Variants in FRMD4B observed in about 807,000 individuals in gnomAD.
FRMD4B encodes the protein FERM domain-containing protein 4B.
FRMD4B carries 74 observed loss-of-function variants against 141.5 expected under a neutral mutation model. The observed-to-expected ratio is 0.52, with a 90% CI of 0.43 to 0.63. The LOEUF (loss-of-function observed/expected upper bound fraction) is 0.63, where lower values mean the gene tolerates loss of function less well. FRMD4B is among the 30% of genes least tolerant of loss of function. The pLI, the probability that FRMD4B is intolerant of heterozygous loss-of-function variation, is 0.00. For missense variants in FRMD4B, 1,366 were observed against 1,253.4 expected, an observed-to-expected ratio of 1.09 and a Z score of -1.36; for synonymous variants, 506 against 467.9, an observed-to-expected ratio of 1.08 and a Z score of -1.05.
chr3:69,214,778 C>G (rs571824387), intron 11 of FRMD4B, among the ~76,000 whole-genome samples: 1 of 152,220 alleles, frequency 6.6e-6, no homozygotes, highest in South Asian at 2.1e-4. Flanking sequence ...GGAAGGATTG[C>G]TTGAGCCAGG....
intron 5 of FRMD4B, among the ~76,000 whole-genome samples, chr3:69,253,183 A>T (rs57834440): frequency 0.48 from 63,311 of 130,558 alleles, 15,631 homozygotes; most frequent in Middle Eastern, 0.54. Context: ...TATGATTCCT[A>T]TTTTTTTTTT....
At chr3:69,230,455 A>T (rs924296007) in intron 7 of FRMD4B, among the ~76,000 whole-genome samples, 2 of 152,084 alleles carry the variant, frequency 1.3e-5, no homozygotes, top group African/African-American at 4.8e-5. Flanking sequence ...ATACAAGAGT[A>T]AGATTTAGGA....
At chr3:69,506,160 G>A (rs916758183) in intron 1 of FRMD4B, among the ~76,000 whole-genome samples, 3 of 152,116 alleles carry the variant, frequency 2.0e-5, no homozygotes, top group Non-Finnish European at 4.4e-5. Context: ...ACCATCCACT[G>A]CAACCCCAAG....
chr3:69,280,462 C>T (rs559302838), intron 5 of FRMD4B, among the ~76,000 whole-genome samples: 13 of 152,060 alleles, frequency 8.5e-5, no homozygotes, highest in East Asian at 1.9e-4. Flanking sequence ...TGCTTTGTCC[C>T]GAGTCCAGCC....
chr3:69,386,621 A>G (rs1187829077), upstream of FRMD4B, among the ~76,000 whole-genome samples: 2 of 152,110 alleles, frequency 1.3e-5, no homozygotes, highest in African/African-American at 4.8e-5. Flanking sequence ...CTCCTGGGGG[A>G]ATAGCCACGA....
chr3:69,251,959 G>C (rs558213007), intron 5 of FRMD4B, among the ~76,000 whole-genome samples: 163 of 152,296 alleles, frequency 1.1e-3, no homozygotes, highest in African/African-American at 3.6e-3. Context: ...AATTAGGCAG[G>C]AACTCAAAGT....
At chr3:69,198,373 G>C (rs1575601252) in intron 12 of FRMD4B, 1 of 241,796 alleles carries the variant, frequency 4.1e-6, no homozygotes, top group Admixed American at 5.2e-5. Flanking sequence ...AAAACCACAA[G>C]AAGGTACCAC....
intron 1 of FRMD4B, among the ~76,000 whole-genome samples, chr3:69,450,543 A>G (rs1705478955): frequency 6.6e-6 from 1 of 152,376 alleles, no homozygotes; most frequent in African/African-American, 2.4e-5. Flanking sequence ...ACCTGAGGTC[A>G]GGAGTTCAAG....
At chr3:69,376,237 A>G (rs537009714) in intron 1 of FRMD4B, among the ~76,000 whole-genome samples, 1 of 152,298 alleles carries the variant, frequency 6.6e-6, no homozygotes, top group Non-Finnish European at 1.5e-5. Context: ...ATATAATTTT[A>G]TTATATTACA....
At chr3:69,330,340 C>CTCTT (rs1225031283) in intron 1 of FRMD4B, among the ~76,000 whole-genome samples, 3 of 42,928 alleles carry the variant, frequency 7.0e-5, no homozygotes, top group African/African-American at 3.6e-4. Flanking sequence ...ATTCTTTTGC[C>CTCTT]TTTTTTTTTT....
At chr3:69,378,165 A>G (rs975763611) in intron 1 of FRMD4B, among the ~76,000 whole-genome samples, 1 of 151,348 alleles carries the variant, frequency 6.6e-6, no homozygotes, top group Admixed American at 6.6e-5. Context: ...AGGGCTCTCT[A>G]ATAAACTTCC....
In FRMD4B at chr3:69,320,213, C is replaced by T. The variant is rs576150211; in HGVS notation, c.163-6696G>A. On this transcript the variant is annotated intron_variant, in intron 1 of 22. Transcript: ENST00000398540. ...TTATTCAAATGAACTTTTTCCCCAA[C>T]GTGTCAATTAAAAAATTTTTTTTAA... 1.4e-3 allele frequency among the ~76,000 whole-genome samples: 213 copies of T among 152,184 alleles called. 1 individual carries two copies. The highest frequency in any genetic ancestry group is 3.1e-3 in the Admixed American group (48 of 15,284).
At chr3:69,352,616 G>T (rs567128954) in intron 1 of FRMD4B, among the ~76,000 whole-genome samples, 2 of 152,116 alleles carry the variant, frequency 1.3e-5, no homozygotes, top group South Asian at 4.2e-4. Context: ...CATGGAGTTG[G>T]ACTTAATGAG....
intron 1 of FRMD4B, among the ~76,000 whole-genome samples, chr3:69,445,040 A>G (rs1705391370): frequency 6.6e-6 from 1 of 152,156 alleles, no homozygotes; most frequent in Non-Finnish European, 1.5e-5. Context: ...ACAACCTTCC[A>G]AAAAGTCTCG....
At chr3:69,419,602 GA>G (rs1704934917) in intron 2 of FRMD4B, among the ~76,000 whole-genome samples, 1 of 152,144 alleles carries the variant, frequency 6.6e-6, no homozygotes, top group African/African-American at 2.4e-5. Flanking sequence ...AAGCCCAAAG[GA>G]AAACTGGGAC....
intron 1 of FRMD4B, among the ~76,000 whole-genome samples, chr3:69,450,582 G>A (rs1271384156): frequency 2.0e-5 from 3 of 152,280 alleles, no homozygotes; most frequent in African/African-American, 4.8e-5. Context: ...GGGAAACCCC[G>A]TCTCTACTGA....
At chr3:69,251,903 AG>A (rs2093465654) in intron 5 of FRMD4B, among the ~76,000 whole-genome samples, 1 of 152,236 alleles carries the variant, frequency 6.6e-6, no homozygotes, top group Admixed American at 6.5e-5. Flanking sequence ...ACTCACGGCA[AG>A]GGAGGAGGGC....
At chr3:69,281,832 A>ATATAT (rs1182288829) in intron 5 of FRMD4B, among the ~76,000 whole-genome samples, 100 of 52,948 alleles carry the variant, frequency 1.9e-3, no homozygotes, top group African/African-American at 4.8e-3. Flanking sequence ...TCAAAAAAAA[A>ATATAT]AAAAAAATAT....
intron 1 of FRMD4B, among the ~76,000 whole-genome samples, chr3:69,339,221 G>T (rs1433229909): frequency 6.6e-6 from 1 of 151,808 alleles, no homozygotes; most frequent in Admixed American, 6.6e-5. Flanking sequence ...GAAACTTAAT[G>T]TTAAACCCGA....
Sources: gnomAD v4.1 joint callset for allele counts (sites outside exome capture counted in the v4.1 genomes callset) on GRCh38, gnomAD v4.1.1 for gene constraint, MANE v1.5 for transcripts, NCBI Gene and HGNC (gene_info 2026-07-23, HGNC 2026-07-21) for gene names.